The following LOC128125817 variants were observed in gnomAD, a reference collection of about 807,000 sequenced individuals.
chr1:41,588,878 C>T, the LOC128125817 span, among the ~76,000 whole-genome samples: 1 of 151,880 alleles, frequency 6.6e-6, no homozygotes, highest in African/African-American at 2.4e-5. Flanking sequence ...CACACCATGA[C>T]AGGTCTGAAG....
chr1:41,601,089 C>T, the LOC128125817 span, among the ~76,000 whole-genome samples: 1 of 152,094 alleles, frequency 6.6e-6, no homozygotes, highest in Admixed American at 6.6e-5. Flanking sequence ...ATTTCGGGTT[C>T]TCTGTTCTGT....
chr1:41,607,995 T>C, the LOC128125817 span, among the ~76,000 whole-genome samples: 2 of 152,202 alleles, frequency 1.3e-5, no homozygotes, highest in African/African-American at 2.4e-5. Flanking sequence ...CACGAGCCCA[T>C]GGCCACTCCT....
At chr1:41,589,226 G>A in the LOC128125817 span, among the ~76,000 whole-genome samples, 129 of 152,306 alleles carry the variant, frequency 8.5e-4, 1 homozygote, top group East Asian at 0.02. Flanking sequence ...CCCCAGACCA[G>A]AAGAGGATGG....
chr1:41,622,362 A>C, the LOC128125817 span, among the ~76,000 whole-genome samples: 1 of 152,150 alleles, frequency 6.6e-6, no homozygotes, highest in African/African-American at 2.4e-5. Context: ...AAAGGATTAA[A>C]GTGTGACATG....
chr1:41,596,430 CAAA>C, the LOC128125817 span, among the ~76,000 whole-genome samples: 2 of 152,146 alleles, frequency 1.3e-5, no homozygotes, highest in Admixed American at 1.3e-4. Flanking sequence ...TCCAATGGGT[CAAA>C]CAGTGCTGTT....
chr1:41,588,370 T>C, the LOC128125817 span, among the ~76,000 whole-genome samples: 1 of 152,020 alleles, frequency 6.6e-6, no homozygotes, highest in East Asian at 1.9e-4. Context: ...CATGACTGGG[T>C]GGTGAAATGA....
At chr1:41,610,302 GA>G in the LOC128125817 span, among the ~76,000 whole-genome samples, 1 of 152,194 alleles carries the variant, frequency 6.6e-6, no homozygotes, top group Non-Finnish European at 1.5e-5. Flanking sequence ...CTGTACCTTA[GA>G]CACTTTGCTG....
At chr1:41,619,462 G>T in the LOC128125817 span, among the ~76,000 whole-genome samples, 1 of 152,234 alleles carries the variant, frequency 6.6e-6, no homozygotes. Flanking sequence ...GCATGTGTGT[G>T]TAGTGACGAT....
the LOC128125817 span, among the ~76,000 whole-genome samples, chr1:41,628,134 A>C: frequency 6.6e-6 from 1 of 152,210 alleles, no homozygotes; most frequent in Admixed American, 6.5e-5. Context: ...CCCCAGGCTC[A>C]TTTGATCACT....
At chr1:41,621,043 G>A in the LOC128125817 span, among the ~76,000 whole-genome samples, 10 of 152,176 alleles carry the variant, frequency 6.6e-5, no homozygotes, top group Admixed American at 6.5e-4. Context: ...CACTTGCCAC[G>A]TTTGAGCTTG....
At chr1:41,598,412 T>TAC in the LOC128125817 span, among the ~76,000 whole-genome samples, 8 of 152,178 alleles carry the variant, frequency 5.3e-5, no homozygotes, top group Non-Finnish European at 1.0e-4. Context: ...CAATAATATA[T>TAC]ACACACACAC....
At chr1:41,592,917 C>T in the LOC128125817 span, among the ~76,000 whole-genome samples, 1 of 152,206 alleles carries the variant, frequency 6.6e-6, no homozygotes. Context: ...CGGCTTCTGC[C>T]AGTCTAGGCC....
the LOC128125817 span, among the ~76,000 whole-genome samples, chr1:41,586,431 C>T: frequency 6.6e-6 from 1 of 152,236 alleles, no homozygotes; most frequent in Non-Finnish European, 1.5e-5. Flanking sequence ...GGACCCAGGC[C>T]TCCCATGGCC....
At chr1:41,597,220 A>C in the LOC128125817 span, among the ~76,000 whole-genome samples, 2 of 152,156 alleles carry the variant, frequency 1.3e-5, no homozygotes, top group Admixed American at 6.5e-5. Flanking sequence ...CCTGTTAGAG[A>C]GCTCAGGGAT....
At chr1:41,612,283 G>T in the LOC128125817 span, among the ~76,000 whole-genome samples, 505 of 152,266 alleles carry the variant, frequency 3.3e-3, 1 homozygote, top group African/African-American at 0.012. Flanking sequence ...TCCCCTGGCC[G>T]GTGTTTACAC....
chr1:41,588,413 G>A, the LOC128125817 span, among the ~76,000 whole-genome samples: 69,272 of 151,894 alleles, frequency 0.46, 16,338 homozygotes, highest in South Asian at 0.52. Flanking sequence ...GGCCAGGCAG[G>A]ACTCTACATT....
the LOC128125817 span, among the ~76,000 whole-genome samples, chr1:41,623,731 C>T: frequency 6.6e-6 from 1 of 152,226 alleles, no homozygotes; most frequent in African/African-American, 2.4e-5. Flanking sequence ...ACCTGACATC[C>T]AACCCCACGC....
At chr1:41,618,832 C>T in the LOC128125817 span, among the ~76,000 whole-genome samples, 1 of 152,242 alleles carries the variant, frequency 6.6e-6, no homozygotes, top group Non-Finnish European at 1.5e-5. Flanking sequence ...GCTCCCCTCT[C>T]AGAACTCTTT....
chr1:41,612,402 T>C, the LOC128125817 span, among the ~76,000 whole-genome samples: 1 of 152,176 alleles, frequency 6.6e-6, no homozygotes, highest in Non-Finnish European at 1.5e-5. Flanking sequence ...TTCACCCAAG[T>C]TCCTCCTTGC....
Sources: gnomAD v4.1 joint callset for allele counts (sites outside exome capture counted in the v4.1 genomes callset) on GRCh38, gnomAD v4.1.1 for gene constraint, MANE v1.5 for transcripts.